The following RAB40C variants were observed in gnomAD, a reference collection of about 807,000 sequenced individuals.
RAB40C encodes the protein ras-related protein Rab-40C.
In RAB40C, 8 loss-of-function variants were observed where a neutral mutation model predicts 28.1. The ratio of observed to expected loss-of-function variants is 0.28; its 90% CI spans 0.17 to 0.51. The LOEUF (loss-of-function observed/expected upper bound fraction) is 0.51, where lower values mean the gene tolerates loss of function less well. Ranked by LOEUF, RAB40C falls within the 20% of genes least tolerant of loss-of-function variation. RAB40C has a pLI of 0.97. For synonymous variants in RAB40C, 201 were observed against 171.7 expected (o/e 1.17, Z -1.34); for missense variants, 288 against 405.9 (o/e 0.71, Z 2.50).
At chr16:591,748 C>T (rs960689413) in intron 1 of RAB40C, among the ~76,000 whole-genome samples, 3 of 152,008 alleles carry the variant, frequency 2.0e-5, no homozygotes, top group Non-Finnish European at 4.4e-5. Context: ...TATGCCACCA[C>T]GCCCGGCTAA....
In RAB40C at chr16:626,145, C is replaced by T. The variant is rs1159398886; in HGVS notation, c.565+24C>T. The stretch of plus-strand genomic sequence containing the variant: ...AGGTGGGTGGGCGGGCGCCGGCCAG[C>T]CCTGAGGTCCCCGAACCTGGGCTGC... On this transcript the variant is annotated intron_variant, in intron 5 of 5. Coordinates refer to ENST00000248139, the MANE Select transcript of RAB40C (RefSeq NM_021168.5). 6.9e-6 allele frequency: 11 copies of T among 1,589,216 alleles called. No homozygotes were observed. In the African/African-American group the frequency reaches 1.1e-4, roughly 16 times the overall value.
intron 3 of RAB40C, chr16:624,720 G>C: frequency 1.0e-6 from 1 of 985,472 alleles, no homozygotes; most frequent in Non-Finnish European, 1.2e-6. Context: ...TAGGGTGGGA[G>C]TGGACGTTGG....
At chr16:625,007 G>T in intron 3 of RAB40C, 2 of 1,290,240 alleles carry the variant, frequency 1.6e-6, no homozygotes, top group African/African-American at 1.5e-5. Flanking sequence ...CAAGTTTTAG[G>T]TTGGAAAACT....
At chr16:601,506 C>T (rs554443111) in intron 1 of RAB40C, among the ~76,000 whole-genome samples, 16 of 152,220 alleles carry the variant, frequency 1.1e-4, no homozygotes, top group African/African-American at 3.4e-4. Flanking sequence ...GGCAGGTCCC[C>T]GCCGCAGCCG....
Position 629,227 on chromosome 16 carries a change from C to T in RAB40C, c.*1605C>T. On this transcript the variant is annotated 3_prime_UTR_variant, in exon 6 of 6. Transcript: ENST00000248139. Reference sequence around the variant, plus strand: ...GACACTCCGCCATTCCTGGTTCTCTCCGAACCGTTCTTTGTACAGTAAATG... The same window carrying T: ...GACACTCCGCCATTCCTGGTTCTCTTCGAACCGTTCTTTGTACAGTAAATG... 3.8e-6 allele frequency: 1 copy of T among 266,370 alleles called. No individual in the cohort carries two copies. Among genetic ancestry groups the T allele is most frequent in the South Asian group, 3.9e-5 (1 of 25,318 alleles). 16.5% of individuals were successfully genotyped at this position (266,370 alleles called of 1,614,324 possible).
chr16:605,920 C>G (rs1596404378), intron 1 of RAB40C, among the ~76,000 whole-genome samples: 1 of 152,252 alleles, frequency 6.6e-6, no homozygotes, highest in Non-Finnish European at 1.5e-5. Context: ...GTTCTAAGTC[C>G]TGCCTTCCTT....
At chr16:609,302 A>C (rs2036432397) in intron 1 of RAB40C, among the ~76,000 whole-genome samples, 1 of 151,920 alleles carries the variant, frequency 6.6e-6, no homozygotes, top group Non-Finnish European at 1.5e-5. Context: ...TCTCTGGGAA[A>C]ATTGAGTCGT....
rs143304834 is a variant in RAB40C at position 619,342 on chromosome 16, C to G, written c.264+1082C>G. 8.1e-3 allele frequency among the ~76,000 whole-genome samples: 656 copies of G among 81,214 alleles called. 2 individuals carry two copies. Among genetic ancestry groups the G allele is most frequent in the South Asian group, 0.015 (34 of 2,320 alleles). 53.3% of individuals were successfully genotyped at this position (81,214 alleles called of 152,430 possible). A position where few individuals can be genotyped will look rare whatever the true frequency, so the allele number is the denominator to read the frequency against. ...CACTCAGGGCCATGTGTGTGTGCAG[C>G]CATGTGCACAGGTCTGGCGGGGGCA... On this transcript the variant is annotated intron_variant, in intron 3 of 5. Coordinates refer to ENST00000248139, the MANE Select transcript of RAB40C (RefSeq NM_021168.5).
chr16:617,371 C>T, intron 2 of RAB40C, 103 bp downstream of exon 2: 1 of 1,369,028 alleles, frequency 7.3e-7, no homozygotes, highest in South Asian at 1.2e-5. Context: ...TTGCATTTCA[C>T]TTGGAAGAGC....
chr16:609,645 A>G (rs891091074), intron 1 of RAB40C, among the ~76,000 whole-genome samples: 2 of 152,220 alleles, frequency 1.3e-5, no homozygotes, highest in African/African-American at 4.8e-5. Context: ...CCACGAATGA[A>G]GAGCCAGACG....
At chr16:592,155 C>T (rs1567182305) in intron 1 of RAB40C, among the ~76,000 whole-genome samples, 1 of 152,260 alleles carries the variant, frequency 6.6e-6, no homozygotes, top group Non-Finnish European at 1.5e-5. Flanking sequence ...GGCGAACTTA[C>T]CTCTCCTGGT....
intron 5 of RAB40C, 90 bp downstream of exon 5, chr16:626,211 G>C (rs1473527748): frequency 3.0e-6 from 4 of 1,350,832 alleles, no homozygotes; most frequent in Admixed American, 3.5e-5. Context: ...GGGCCAGTGA[G>C]GGAGGTTCAG....
intron 1 of RAB40C, chr16:596,436 T>TG: frequency 2.4e-6 from 1 of 423,850 alleles, no homozygotes; most frequent in Non-Finnish European, 4.8e-6. Flanking sequence ...AGTCCTCCCC[T>TG]GCGCAGCACA....
At chr16:614,841 ACTG>A (rs1265619142) in intron 1 of RAB40C, among the ~76,000 whole-genome samples, 1 of 150,950 alleles carries the variant, frequency 6.6e-6, no homozygotes, top group South Asian at 2.1e-4. Flanking sequence ...CCAGTGGTGA[ACTG>A]CTAACTCAGC....
At chr16:609,051 G>T (rs979404780) in intron 1 of RAB40C, among the ~76,000 whole-genome samples, 4 of 152,200 alleles carry the variant, frequency 2.6e-5, no homozygotes, top group African/African-American at 9.7e-5. Context: ...GGAGTTGGAG[G>T]CTGCAGTGAG....
chr16:610,130 C>T lies in RAB40C; in HGVS notation c.143-7078C>T, dbSNP rs542266235. 5.3e-5 allele frequency among the ~76,000 whole-genome samples: 8 copies of T among 152,284 alleles called. No homozygotes were observed. The highest frequency in any genetic ancestry group is 2.1e-4 in the South Asian group (1 of 4,822). On this transcript the variant is annotated intron_variant, in intron 1 of 5. Transcript: ENST00000248139. This position sits in a 1 kb window ranked among gnomAD's most constrained non-coding sequence, Gnocchi z 4.6. ...TGGTCTCCTGTAGCTGGTGGGGAAG[C>T]GGCACCCTGTGCGGTAGACAGAACC...
intron 1 of RAB40C, among the ~76,000 whole-genome samples, chr16:601,710 G>C (rs891793783): frequency 5.3e-5 from 8 of 149,994 alleles, no homozygotes; most frequent in Non-Finnish European, 1.2e-4. Context: ...GTGCGGTGGT[G>C]CACGCCTATA....
intron 3 of RAB40C, chr16:624,453 A>G (rs1163591837): frequency 5.1e-6 from 5 of 985,380 alleles, no homozygotes; most frequent in Non-Finnish European, 6.0e-6. Context: ...CTGTCGCTCC[A>G]TCCTGAGCAA....
At chr16:596,788 G>A (rs2036135957) in intron 1 of RAB40C, among the ~76,000 whole-genome samples, 1 of 152,188 alleles carries the variant, frequency 6.6e-6, no homozygotes, top group African/African-American at 2.4e-5. Flanking sequence ...GGGTGGAAGA[G>A]GGGCCTCTTC....
Sources: gnomAD v4.1 joint callset for allele counts (sites outside exome capture counted in the v4.1 genomes callset) on GRCh38, gnomAD v4.1.1 for gene constraint, Gnocchi (gnomAD v3.1) non-coding constraint, MANE v1.5 for transcripts, NCBI Gene and HGNC (gene_info 2026-07-23, HGNC 2026-07-21) for gene names.